The following HCRTR2 variants were observed in gnomAD, a reference collection of about 807,000 sequenced individuals.
HCRTR2 encodes the protein hypocretin receptor 2.
Under a neutral mutation model 49.0 loss-of-function variants are expected in HCRTR2, and 22 were observed. The observed-to-expected ratio is 0.45, with a 90% CI of 0.32 to 0.64. HCRTR2 has a LOEUF of 0.64. HCRTR2 is among the 30% of genes least tolerant of loss of function. The pLI is 0.04. For synonymous variants in HCRTR2, 236 were observed against 205.3 expected (o/e 1.15, Z -1.28); for missense variants, 491 against 559.4 (o/e 0.88, Z 1.23).
intron 3 of HCRTR2, among the ~76,000 whole-genome samples, chr6:55,259,016 A>G (rs972051219): frequency 2.0e-5 from 3 of 152,112 alleles, no homozygotes; most frequent in African/African-American, 7.2e-5. Flanking sequence ...ATGGCACTGC[A>G]CTCCAGCCTG....
At chr6:55,165,634 A>C (rs1010058583) in intron 1 of HCRTR2, among the ~76,000 whole-genome samples, 5 of 151,574 alleles carry the variant, frequency 3.3e-5, no homozygotes, top group African/African-American at 9.7e-5. Flanking sequence ...TCTTATCAAA[A>C]TTTAAAACTT....
At chr6:55,118,160 T>G (rs1305842792) in intron 1 of HCRTR2, among the ~76,000 whole-genome samples, 2 of 151,988 alleles carry the variant, frequency 1.3e-5, no homozygotes, top group African/African-American at 4.8e-5. Flanking sequence ...TATTTGGTTT[T>G]CTGTTCCTGA....
In HCRTR2 at chr6:55,245,503, A is replaced by ATATATATATATATATC. The variant is rs1402605395; in HGVS notation, c.224-3133_224-3132insATATATATATATCTAT. 2.2e-4 allele frequency among the ~76,000 whole-genome samples: 28 copies of ATATATATATATATATC among 124,522 alleles called. 2 individuals are homozygous for ATATATATATATATATC. The highest frequency in any genetic ancestry group is 3.9e-4 in the Non-Finnish European group (23 of 59,618). 81.7% of individuals were successfully genotyped at this position (124,522 alleles called of 152,430 possible). On this transcript the variant is annotated intron_variant, in intron 1 of 6. Transcript: ENST00000370862. Reference sequence around the variant, plus strand: ...TATATATATATATATATATATATATATATCTTCCCCAAAAGTGTGCCTTGG... The same window carrying ATATATATATATATATC: ...TATATATATATATATATATATATATATATATATATATATATCTATCTTCCCCAAAAGTGTGCCTTGG...
chr6:55,281,186 A>C (rs1279110240), intron 6 of HCRTR2, among the ~76,000 whole-genome samples: 1 of 152,174 alleles, frequency 6.6e-6, no homozygotes, highest in Non-Finnish European at 1.5e-5. Context: ...GGAAGAATAG[A>C]AATTCATTTT....
chr6:55,274,423 G>A (rs190066442), intron 4 of HCRTR2, among the ~76,000 whole-genome samples: 40 of 150,310 alleles, frequency 2.7e-4, no homozygotes, highest in Admixed American at 2.1e-3. Context: ...TTGCTAGTAT[G>A]TAGAAGTATA....
At chr6:55,266,079 C>G (rs1055357316) in intron 4 of HCRTR2, among the ~76,000 whole-genome samples, 5 of 152,056 alleles carry the variant, frequency 3.3e-5, no homozygotes, top group Non-Finnish European at 7.4e-5. Context: ...GACAAGCTTG[C>G]TTAGATGAAT....
chr6:55,118,105 T>C (rs1561976519), intron 1 of HCRTR2, among the ~76,000 whole-genome samples: 1 of 151,872 alleles, frequency 6.6e-6, no homozygotes. Flanking sequence ...TATGCGTCCA[T>C]GTGTTCTCAT....
intron 4 of HCRTR2, among the ~76,000 whole-genome samples, chr6:55,265,745 G>A (rs985350380): frequency 2.0e-5 from 3 of 152,032 alleles, no homozygotes; most frequent in Non-Finnish European, 2.9e-5. Flanking sequence ...GGGCCAGACT[G>A]CATGAATTTA....
At chr6:55,247,192 C>T (rs9475218) in intron 1 of HCRTR2, among the ~76,000 whole-genome samples, 24,121 of 151,880 alleles carry the variant, frequency 0.16, 3,633 homozygotes, top group African/African-American at 0.4. Flanking sequence ...AAATAAATCA[C>T]TCAATGGCAT....
chr6:55,239,284 T>G (rs1052630747), intron 1 of HCRTR2, among the ~76,000 whole-genome samples: 3 of 152,232 alleles, frequency 2.0e-5, no homozygotes, highest in Non-Finnish European at 4.4e-5. Context: ...CTCTGGCAGC[T>G]CTTGGTGCCA....
chr6:55,241,094 T>C lies in HCRTR2; in HGVS notation c.224-7545T>C, dbSNP rs985886420. 2.3e-4 allele frequency among the ~76,000 whole-genome samples: 35 copies of C among 151,228 alleles called. 1 individual carries two copies. The highest frequency in any genetic ancestry group is 4.9e-4 in the Non-Finnish European group (33 of 67,800). On this transcript the variant is annotated intron_variant, in intron 1 of 6. Coordinates refer to ENST00000370862, the MANE Select transcript of HCRTR2 (RefSeq NM_001384272.1). ...CCCATTAACTCGTCATTTAGCATTA[T>C]GTATATCTCCCAATGCTATCCCTCC...
At chr6:55,235,802 TCAA>T (rs1217126626) in intron 1 of HCRTR2, among the ~76,000 whole-genome samples, 1 of 152,034 alleles carries the variant, frequency 6.6e-6, no homozygotes, top group African/African-American at 2.4e-5. Context: ...GGTGTGGATC[TCAA>T]CTATTTTTGT....
chr6:55,142,628 A>G (rs181654241), intron 1 of HCRTR2, among the ~76,000 whole-genome samples: 75 of 152,208 alleles, frequency 4.9e-4, no homozygotes, highest in African/African-American at 1.8e-3. Flanking sequence ...AGTATATGTA[A>G]GTAGTTAATA....
chr6:55,162,843 C>G (rs1764825110), intron 1 of HCRTR2, among the ~76,000 whole-genome samples: 1 of 152,182 alleles, frequency 6.6e-6, no homozygotes, highest in South Asian at 2.1e-4. Context: ...CAAAAACATT[C>G]CATCCTCATG....
chr6:55,241,280 T>C (rs931600317), intron 1 of HCRTR2, among the ~76,000 whole-genome samples: 1 of 152,118 alleles, frequency 6.6e-6, no homozygotes, highest in African/African-American at 2.4e-5. Context: ...TAAACATTAT[T>C]TTCTATCTAG....
At chr6:55,169,192 C>T (rs1056221189) in intron 1 of HCRTR2, among the ~76,000 whole-genome samples, 13 of 151,726 alleles carry the variant, frequency 8.6e-5, no homozygotes, top group African/African-American at 3.1e-4. Flanking sequence ...TTTATCTATG[C>T]TCAACATAAG....
At chr6:55,152,164 TG>T (rs1296849393) in intron 1 of HCRTR2, among the ~76,000 whole-genome samples, 1 of 151,980 alleles carries the variant, frequency 6.6e-6, no homozygotes, top group Non-Finnish European at 1.5e-5. Context: ...CTTTCCATAG[TG>T]GTCACATCAA....
chr6:55,119,305 G>T (rs1764162974), intron 1 of HCRTR2, among the ~76,000 whole-genome samples: 1 of 152,040 alleles, frequency 6.6e-6, no homozygotes, highest in South Asian at 2.1e-4. Context: ...CCGCTAATGG[G>T]ATTGCTGGGT....
chr6:55,131,790 ATTTACTC>A (rs1045719740), intron 1 of HCRTR2, among the ~76,000 whole-genome samples: 1 of 136,616 alleles, frequency 7.3e-6, no homozygotes, highest in Non-Finnish European at 1.7e-5. Context: ...TTAGTCAATT[ATTTACTC>A]TTTAAGTATT....
Sources: gnomAD v4.1 joint callset for allele counts (sites outside exome capture counted in the v4.1 genomes callset) on GRCh38, gnomAD v4.1.1 for gene constraint, MANE v1.5 for transcripts, NCBI Gene and HGNC (gene_info 2026-07-23, HGNC 2026-07-21) for gene names.